Variants in CYSLTR2 observed in about 807,000 individuals in gnomAD.
The protein encoded by CYSLTR2 is G-protein coupled receptor GPCR21.
For missense variants in CYSLTR2, 398 were observed against 411.9 expected (o/e 0.97, Z 0.29); for synonymous variants, 179 against 160.8 (o/e 1.11, Z -0.86).
chr13:48,680,185 C>A (rs1953710384), intron 1 of CYSLTR2, among the ~76,000 whole-genome samples: 2 of 152,192 alleles, frequency 1.3e-5, no homozygotes, highest in Non-Finnish European at 2.9e-5. Context: ...TGTCTTCAGA[C>A]TCTGCGGGCA....
chr13:48,689,043 G>T (rs989393898), intron 1 of CYSLTR2, among the ~76,000 whole-genome samples: 27 of 152,130 alleles, frequency 1.8e-4, no homozygotes, highest in African/African-American at 5.8e-4. Flanking sequence ...TTTGTTGGCC[G>T]CATAAATGTC....
chr13:48,654,932 G>A (rs1455561713), intron 1 of CYSLTR2, among the ~76,000 whole-genome samples: 1 of 152,146 alleles, frequency 6.6e-6, no homozygotes, highest in African/African-American at 2.4e-5. Flanking sequence ...AAATATACCT[G>A]AGAGTAATAT....
rs1954608586 is a variant in CYSLTR2, at chr13:48,710,492, C to G, written c.*2634C>G. On this transcript the variant is annotated 3_prime_UTR_variant, in exon 5 of 5. Transcript: ENST00000682523. ...CAAAGCATAAGAGTAGTGATGCTGG[C>G]AAATAAGATACACCAAAGAGAAGCT... 6.6e-6 allele frequency: 1 copy of G among 152,016 alleles called. No homozygotes were observed. The highest frequency in any genetic ancestry group is 1.5e-5 in the Non-Finnish European group (1 of 68,006). 9.4% of individuals were successfully genotyped at this position (152,016 alleles called of 1,614,324 possible). A position where few individuals can be genotyped will look rare whatever the true frequency, so the allele number is the denominator to read the frequency against.
At chr13:48,704,932 G>A (rs1954442672) in intron 4 of CYSLTR2, among the ~76,000 whole-genome samples, 1 of 152,166 alleles carries the variant, frequency 6.6e-6, no homozygotes, top group African/African-American at 2.4e-5. Flanking sequence ...GTTGGGTGAA[G>A]TGTTTTATAC....
chr13:48,707,036 G>A lies in CYSLTR2; in HGVS notation c.219G>A (p.Val73=). 1 of 1,614,146 alleles carries A rather than the reference G, an allele frequency of 6.2e-7. No individual in the cohort carries two copies. Among genetic ancestry groups the A allele is most frequent in the South Asian group, 1.1e-5 (1 of 91,080 alleles). ...FLQPYKKSTS[V]NVFMLNLAIS... ...AGCCTTATAAGAAGTCCACATCTGT[G>A]AACGTTTTCATGCTAAATCTGGCCA... The change falls in exon 5 of 5, where the codon GTG becomes GTA. Residue 73 remains valine (V), a synonymous_variant. Transcript: ENST00000682523.
chr13:48,708,382 G>A lies in CYSLTR2; in HGVS notation c.*524G>A, dbSNP rs926864598. 6.0e-6 allele frequency: 1 copy of A among 167,236 alleles called. No individual in the cohort carries two copies. The highest frequency in any genetic ancestry group is 2.4e-5 in the African/African-American group (1 of 41,466). 10.4% of individuals were successfully genotyped at this position (167,236 alleles called of 1,614,324 possible). On this transcript the variant is annotated 3_prime_UTR_variant, in exon 5 of 5. Transcript: ENST00000682523. ...GCATCAAGTCCCAAGTAAGGACAGT[G>A]AGAGAAAAGGGGGAGAAGGATTGGA... is the stretch of plus-strand genomic sequence containing the variant.
chr13:48,654,707 G>A (rs1057467066), intron 1 of CYSLTR2, among the ~76,000 whole-genome samples: 3 of 152,194 alleles, frequency 2.0e-5, no homozygotes, highest in Non-Finnish European at 2.9e-5. Context: ...ACCCTAATCA[G>A]TGTTTCTCAA....
intron 1 of CYSLTR2, among the ~76,000 whole-genome samples, chr13:48,665,469 T>G (rs1409575935): frequency 6.6e-6 from 1 of 152,094 alleles, no homozygotes; most frequent in Non-Finnish European, 1.5e-5. Flanking sequence ...AGATTTAATA[T>G]TTGCTTTATA....
intron 1 of CYSLTR2, among the ~76,000 whole-genome samples, chr13:48,666,677 T>C (rs1953270276): frequency 6.6e-6 from 1 of 152,176 alleles, no homozygotes; most frequent in Non-Finnish European, 1.5e-5. Context: ...GGCCAGTCTG[T>C]TGTTGAAGCT....
In CYSLTR2 at chr13:48,667,617, G is replaced by A. The variant is rs578057250; in HGVS notation, c.-266+13600G>A. On this transcript the variant is annotated intron_variant, in intron 1 of 4. Coordinates refer to ENST00000682523, the MANE Select transcript of CYSLTR2 (RefSeq NM_001308476.3). The stretch of plus-strand genomic sequence containing the variant: ...GTGCACAATTGCAAAGCTAGCCTAA[G>A]ACTGGTTTGCTGGGCATGACCTATG... Among the ~76,000 whole-genome samples, 17 of 152,318 alleles carry A rather than the reference G, an allele frequency of 1.1e-4. No individual in the cohort carries two copies. In the East Asian group the frequency reaches 3.1e-3, roughly 28 times the overall value.
At position 48,695,068 on chromosome 13, in the gene CYSLTR2, A is replaced by T. The variant is rs1277683343; in HGVS notation, c.-102-1458A>T. Among the ~76,000 whole-genome samples, 137 of 71,578 alleles carry T rather than the reference A, an allele frequency of 1.9e-3. 1 individual carries two copies. The highest frequency in any genetic ancestry group is 0.012 in the Middle Eastern group (1 of 84). 47.0% of individuals were successfully genotyped at this position (71,578 alleles called of 152,430 possible). Reference sequence around the variant, plus strand: ...AGACCATGGTATATCAGAACCTGGCATTTTTTTTTTTTTTTTTTTTTTTTT... The same window carrying T: ...AGACCATGGTATATCAGAACCTGGCTTTTTTTTTTTTTTTTTTTTTTTTTT... On this transcript the variant is annotated intron_variant, in intron 3 of 4. Coordinates refer to ENST00000682523, the MANE Select transcript of CYSLTR2 (RefSeq NM_001308476.3).
intron 1 of CYSLTR2, among the ~76,000 whole-genome samples, chr13:48,665,335 G>C (rs765891893): frequency 2.6e-5 from 4 of 152,084 alleles, no homozygotes; most frequent in Non-Finnish European, 5.9e-5. Flanking sequence ...AGGTCCATCT[G>C]GTGTATGGGG....
chr13:48,696,868 C>T (rs564132088), intron 4 of CYSLTR2, among the ~76,000 whole-genome samples: 4 of 151,534 alleles, frequency 2.6e-5, no homozygotes, highest in Admixed American at 6.6e-5. Context: ...GAGGGTCCCA[C>T]GCCCGGCTCG....
chr13:48,670,587 C>G (rs1041937192), intron 1 of CYSLTR2, among the ~76,000 whole-genome samples: 1 of 152,056 alleles, frequency 6.6e-6, no homozygotes, highest in African/African-American at 2.4e-5. Context: ...CAGATGGGAG[C>G]AGATGTGTGG....
intron 3 of CYSLTR2, among the ~76,000 whole-genome samples, chr13:48,694,024 A>G (rs1201789841): frequency 2.0e-5 from 3 of 152,230 alleles, no homozygotes; most frequent in Admixed American, 6.5e-5. Context: ...AGAAACAGGT[A>G]TCTGGCCTGG....
chr13:48,684,419 T>G (rs1468029132), intron 1 of CYSLTR2, among the ~76,000 whole-genome samples: 1 of 151,614 alleles, frequency 6.6e-6, no homozygotes, highest in Non-Finnish European at 1.5e-5. Flanking sequence ...CCTCTTGATG[T>G]CTTTCTAGCA....
At chr13:48,675,733 A>C (rs1483610243) in intron 1 of CYSLTR2, among the ~76,000 whole-genome samples, 1 of 152,052 alleles carries the variant, frequency 6.6e-6, no homozygotes, top group Non-Finnish European at 1.5e-5. Context: ...TGTCTGCCCA[A>C]ACAGCAGCCA....
chr13:48,694,253 G>A (rs1231024864), intron 3 of CYSLTR2, among the ~76,000 whole-genome samples: 1 of 152,178 alleles, frequency 6.6e-6, no homozygotes, highest in African/African-American at 2.4e-5. Flanking sequence ...GTGACCTGAC[G>A]CAAAGTTTAT....
intron 1 of CYSLTR2, among the ~76,000 whole-genome samples, chr13:48,675,188 T>G (rs1021312743): frequency 6.6e-6 from 1 of 152,148 alleles, no homozygotes; most frequent in African/African-American, 2.4e-5. Flanking sequence ...GATCCGCTGC[T>G]CTCTTCAGAG....
Sources: gnomAD v4.1 joint callset for allele counts (sites outside exome capture counted in the v4.1 genomes callset) on GRCh38, gnomAD v4.1.1 for gene constraint, MANE v1.5 for transcripts, NCBI Gene and HGNC (gene_info 2026-07-23, HGNC 2026-07-21) for gene names.